TMEM187: variants seen among roughly 807,000 people sequenced by gnomAD.
The protein encoded by TMEM187 is chromosome X open reading frame 12.
TMEM187 carries 14 observed loss-of-function variants against 11.8 expected under a neutral mutation model. That is an observed-to-expected ratio of 1.18 (90% confidence interval 0.78 to 1.85). The LOEUF (loss-of-function observed/expected upper bound fraction) is 1.85. Among genes scored for constraint, TMEM187 ranks in the 40% most tolerant of loss-of-function variants. The pLI, the probability that TMEM187 is intolerant of heterozygous loss-of-function variation, is 0.00. For synonymous variants in TMEM187, 112 were observed against 118.5 expected, an observed-to-expected ratio of 0.95 and a Z score of 0.36; for missense variants, 227 against 243.9, an observed-to-expected ratio of 0.93 and a Z score of 0.46.
intron 1 of TMEM187, among the ~76,000 whole-genome samples, chrX:153,974,269 G>A (rs2266888): frequency 0.23 from 25,243 of 111,074 alleles, 2,793 homozygotes; most frequent in East Asian, 0.75. Context: ...CCAGCTCTCC[G>A]CCCTGCTTGC....
At chrX:153,977,012 A>G (rs1215819046) in intron 1 of TMEM187, among the ~76,000 whole-genome samples, 2 of 112,747 alleles carry the variant, frequency 1.8e-5, no homozygotes, top group Non-Finnish European at 3.7e-5. Flanking sequence ...AATCAAGCTC[A>G]TGGAAATAGA....
intron 1 of TMEM187, among the ~76,000 whole-genome samples, chrX:153,976,559 T>TA (rs1216327616): frequency 1.9e-5 from 2 of 107,448 alleles, no homozygotes; most frequent in Admixed American, 2.0e-4. Flanking sequence ...CTATAAAAAA[T>TA]AAAAAAAATA....
chrX:153,981,372 G>C (rs1227341305), intron 1 of TMEM187, among the ~76,000 whole-genome samples: 1 of 111,439 alleles, frequency 9.0e-6, no homozygotes, highest in African/African-American at 3.3e-5. Flanking sequence ...AGCTGGCCTG[G>C]GAAGCCTGCG....
At chrX:153,973,368 T>A (rs1376843575) in intron 1 of TMEM187, among the ~76,000 whole-genome samples, 1 of 112,704 alleles carries the variant, frequency 8.9e-6, no homozygotes, top group Admixed American at 9.4e-5. Flanking sequence ...TGCCACCACC[T>A]GCTCTTTGTG....
In TMEM187 at chrX:153,982,923, G is replaced by C; in HGVS notation, c.*75G>C. The stretch of plus-strand genomic sequence containing the variant: ...ACTCTGAGATGGCAGCGTGGTGCCA[G>C]TGTCAGACATCCTGTGTGTGATGAT... On this transcript the variant is annotated 3_prime_UTR_variant, in exon 2 of 2. Transcript: ENST00000369982. 1.7e-6 allele frequency: 2 copies of C among 1,203,011 alleles called. No individual in the cohort carries two copies. The highest frequency in any genetic ancestry group is 2.2e-6 in the Non-Finnish European group (2 of 890,625).
intron 1 of TMEM187, chrX:153,981,268 G>A (rs1431717234): frequency 8.8e-6 from 1 of 113,588 alleles, no homozygotes; most frequent in East Asian, 2.9e-4. Flanking sequence ...CTGGTTCTGT[G>A]ACTGAAGGAG....
At chrX:153,976,258 C>T (rs186102559) in intron 1 of TMEM187, among the ~76,000 whole-genome samples, 8 of 112,252 alleles carry the variant, frequency 7.1e-5, no homozygotes, top group Non-Finnish European at 1.5e-4. Context: ...TTGGCGGGCG[C>T]GGTGTTTCAA....
chrX:153,981,889 A>C lies in TMEM187; in HGVS notation c.-174A>C. ...GTTCCTCCGCTGGCGCCAGCCAATC[A>C]GCAGGACTCCTGCCTTCCTTCGGGG... On this transcript the variant is annotated 5_prime_UTR_variant, in exon 2 of 2. Transcript: ENST00000369982. 2.3e-6 allele frequency: 2 copies of C among 856,635 alleles called. No homozygotes were observed. Among genetic ancestry groups the C allele is most frequent in the Non-Finnish European group, 3.3e-6 (2 of 609,626 alleles). 70.6% of individuals were successfully genotyped at this position (856,635 alleles called of 1,213,427 possible). A position where few individuals can be genotyped will look rare whatever the true frequency, so the allele number is the denominator to read the frequency against.
chrX:153,983,100 A>G lies in TMEM187; in HGVS notation c.*252A>G. ...TGTGTGTTCCTGATGTAATTTGCAT[A>G]ACTTTTCTGTAGTTTGAAATGTTTC... is the stretch of plus-strand genomic sequence containing the variant. On this transcript the variant is annotated 3_prime_UTR_variant, in exon 2 of 2. Transcript: ENST00000369982. 1.9e-6 allele frequency: 1 copy of G among 526,644 alleles called. No individual in the cohort carries two copies. Among genetic ancestry groups the G allele is most frequent in the South Asian group, 3.2e-5 (1 of 31,104 alleles). 43.4% of individuals were successfully genotyped at this position (526,644 alleles called of 1,213,427 possible). A position where few individuals can be genotyped will look rare whatever the true frequency, so the allele number is the denominator to read the frequency against.
In TMEM187 at chrX:153,982,502, G is replaced by C; in HGVS notation, c.440G>C (p.Cys147Ser). The C allele has an allele frequency of 2.5e-6, 3 of 1,205,098 alleles. No homozygotes were observed. Among genetic ancestry groups the C allele is most frequent in the Non-Finnish European group, 3.4e-6 (3 of 894,789 alleles). The change falls in exon 2 of 2, where the codon TGC becomes TCC. Residue 147 changes from cysteine to serine, a missense_variant. Physicochemically the swap from Cys to Ser is moderately radical, Grantham distance 112. Transcript: ENST00000369982. ...WRPWLFLSLE[C>S]VSLASYGLAL... ...CCCTGGCTGTTCCTCTCTCTTGAGT[G>C]CGTCTCCCTGGCCAGTTATGGCCTC...
At chrX:153,974,150 C>T (rs2065568458) in intron 1 of TMEM187, among the ~76,000 whole-genome samples, 1 of 111,826 alleles carries the variant, frequency 8.9e-6, no homozygotes, top group African/African-American at 3.3e-5. Flanking sequence ...ACTGTCAGCC[C>T]GTACCCCCGG....
At chrX:153,975,585 C>T (rs781845391) in intron 1 of TMEM187, among the ~76,000 whole-genome samples, 99 of 104,480 alleles carry the variant, frequency 9.5e-4, no homozygotes, top group African/African-American at 3.4e-3. Context: ...CCGCCTCAGC[C>T]TCCCAGTGTG....
chrX:153,978,200 G>C (rs2065584115), intron 1 of TMEM187, among the ~76,000 whole-genome samples: 1 of 109,433 alleles, frequency 9.1e-6, no homozygotes, highest in Admixed American at 9.7e-5. Flanking sequence ...GACAGAGCAA[G>C]AGTCTGTCTC....
intron 1 of TMEM187, among the ~76,000 whole-genome samples, chrX:153,979,891 C>T (rs1278994341): frequency 9.3e-6 from 1 of 107,116 alleles, no homozygotes; most frequent in Non-Finnish European, 1.9e-5. Flanking sequence ...CGCCCACCAC[C>T]ACGCCTGGCT....
At chrX:153,980,222 G>T (rs897318270) in intron 1 of TMEM187, among the ~76,000 whole-genome samples, 4 of 109,411 alleles carry the variant, frequency 3.7e-5, no homozygotes, top group Non-Finnish European at 7.6e-5. Context: ...GCAGGGCAAG[G>T]TGGTGGTATA....
chrX:153,976,317 G>A (rs1186034896), intron 1 of TMEM187, among the ~76,000 whole-genome samples: 1 of 112,014 alleles, frequency 8.9e-6, no homozygotes, highest in Non-Finnish European at 1.9e-5. Flanking sequence ...GATCACCTGA[G>A]ATCAGGAGTT....
chrX:153,982,912 G>C lies in TMEM187; in HGVS notation c.*64G>C. 8.3e-7 allele frequency: 1 copy of C among 1,206,996 alleles called. No homozygotes were observed. Among genetic ancestry groups the C allele is most frequent in the Non-Finnish European group, 1.1e-6 (1 of 892,831 alleles). On this transcript the variant is annotated 3_prime_UTR_variant, in exon 2 of 2. Coordinates refer to ENST00000369982, the MANE Select transcript of TMEM187 (RefSeq NM_003492.3). ...CATTGAAATGGACTCTGAGATGGCAGCGTGGTGCCAGTGTCAGACATCCTG... is the reference window on the plus strand; with the variant it reads ...CATTGAAATGGACTCTGAGATGGCACCGTGGTGCCAGTGTCAGACATCCTG...
At chrX:153,980,703 G>A (rs2065597323) in intron 1 of TMEM187, 1 of 110,540 alleles carries the variant, frequency 9.0e-6, no homozygotes, top group African/African-American at 3.3e-5. Flanking sequence ...TGGATCACTT[G>A]AGGTCAGGAG....
intron 1 of TMEM187, among the ~76,000 whole-genome samples, chrX:153,978,283 T>TA (rs1388680630): frequency 1.4e-4 from 15 of 109,068 alleles, no homozygotes; most frequent in Admixed American, 5.8e-4. Context: ...CTTTTTTTTT[T>TA]TTTGAGACGG....
Sources: gnomAD v4.1 joint callset for allele counts (sites outside exome capture counted in the v4.1 genomes callset) on GRCh38, gnomAD v4.1.1 for gene constraint, MANE v1.5 for transcripts, NCBI Gene and HGNC (gene_info 2026-07-23, HGNC 2026-07-21) for gene names.